Variants in ZBTB24 observed in about 807,000 individuals in gnomAD.
ZBTB24 encodes zinc finger and BTB domain-containing protein 24.
In ZBTB24, 32 loss-of-function variants were observed where a neutral mutation model predicts 53.8. That is an observed-to-expected ratio of 0.60 (90% CI 0.45 to 0.80). ZBTB24 has a LOEUF of 0.80. ZBTB24 is among the 30% of genes least tolerant of loss of function. The pLI, the probability that ZBTB24 is intolerant of heterozygous loss-of-function variation, is 0.00. For synonymous variants in ZBTB24, 297 were observed against 306.7 expected, an observed-to-expected ratio of 0.97 and a Z score of 0.33; for missense variants, 722 against 837.1, an observed-to-expected ratio of 0.86 and a Z score of 1.70.
At position 109,466,220 on chromosome 6, in the gene ZBTB24, A is replaced by G. The variant is rs2115353196; in HGVS notation, c.1725T>C (p.Ile575=). The G allele has an allele frequency of 6.2e-7, 1 of 1,614,254 alleles. No homozygotes were observed. Among genetic ancestry groups the G allele is most frequent in the East Asian group, 2.2e-5 (1 of 44,894 alleles). Residue 575 remains isoleucine (I), a synonymous_variant, in exon 7 of 7, where the codon ATT becomes ATC. Coordinates refer to ENST00000230122, the MANE Select transcript of ZBTB24 (RefSeq NM_014797.3). ...FMPGPSQGIS[I]VTAESSQNMT... The stretch of plus-strand genomic sequence containing the variant: ...TGTTTTGGGAACTCTCTGCAGTCAC[A>G]ATGCTGATTCCCTGGCTAGGACCGG...
chr6:109,469,534 C>T (rs1776123395), intron 5 of ZBTB24, among the ~76,000 whole-genome samples: 1 of 152,096 alleles, frequency 6.6e-6, no homozygotes, highest in Non-Finnish European at 1.5e-5. Context: ...GGGGTCTTCC[C>T]GCTTAGTGGT....
At position 109,467,732 on chromosome 6, in the gene ZBTB24, C is replaced by T. The variant is rs1394648922; in HGVS notation, c.1291G>A (p.Glu431Lys). 1.9e-6 allele frequency: 3 copies of T among 1,613,382 alleles called. No individual in the cohort carries two copies. The highest frequency in any genetic ancestry group is 2.5e-6 in the Non-Finnish European group (3 of 1,179,880). ...LKKHLRTHTGEKPFTCEICGK... is the reference protein window; with the variant it reads ...LKKHLRTHTGKKPFTCEICGK... ...CAGATTTCACAAGTAAATGGCTTCT[C>T]ACCTAAAAAAAACAAAAACAAAAAC... The change falls in exon 6 of 7, where the codon GAG (glutamate) becomes AAG (lysine). Residue 431 changes from glutamate to lysine, a missense_variant and splice_region_variant. By Grantham distance (56) the Glu-to-Lys change is moderately conservative (BLOSUM62 1). Coordinates refer to ENST00000230122, the MANE Select transcript of ZBTB24 (RefSeq NM_014797.3).
At chr6:109,467,820 A>T in intron 5 of ZBTB24, 86 bp from the exon 6 acceptor site, 1 of 1,460,066 alleles carries the variant, frequency 6.8e-7, no homozygotes, top group Non-Finnish European at 9.3e-7. Flanking sequence ...AATTAAAAAA[A>T]CACTTCGGTT....
chr6:109,467,584 CAT>C, intron 6 of ZBTB24, 67 bp downstream of exon 6: 7 of 1,612,082 alleles, frequency 4.3e-6, no homozygotes, highest in Non-Finnish European at 5.9e-6. Context: ...ATAGGTAACA[CAT>C]GTCACCTCAC....
In ZBTB24 at chr6:109,481,209, T is replaced by C. The variant is rs764851596; in HGVS notation, c.818A>G (p.Gln273Arg). 1.4e-5 allele frequency: 22 copies of C among 1,614,094 alleles called. No individual in the cohort carries two copies. The Admixed American group carries it at 2.7e-4, about 20-fold the overall frequency. The change falls in exon 2 of 7, where the codon CAA (glutamine) becomes CGA (arginine). Residue 273 changes from glutamine to arginine, a missense_variant. Physicochemically the swap from Gln to Arg is conservative, Grantham distance 43. Coordinates refer to ENST00000230122, the MANE Select transcript of ZBTB24 (RefSeq NM_014797.3). ...KLKDYKLVGD[Q>R]EDHGSAKRIC... Reference sequence around the variant, plus strand: ...CCTCTTGGCTGAACCATGGTCCTCTTGATCCCCAACAAGTTTGTAATCTTT... The same window carrying C: ...CCTCTTGGCTGAACCATGGTCCTCTCGATCCCCAACAAGTTTGTAATCTTT...
rs1190286776 is a variant in ZBTB24, at chr6:109,466,493, G to A, written c.1452C>T (p.His484=). ...GGCAGGAGAAAGGCTTCTTGCCAGTGTGTAGAATGCAGTGTCTCCTTTTGG... is the reference window on the plus strand; with the variant it reads ...GGCAGGAGAAAGGCTTCTTGCCAGTATGTAGAATGCAGTGTCTCCTTTTGG... ...SSAKRRHCIL[H]TGKKPFSCPE... Residue 484 remains histidine (H), a synonymous_variant, in exon 7 of 7, where the codon CAC becomes CAT. Transcript: ENST00000230122. The A allele has an allele frequency of 6.2e-7, 1 of 1,614,186 alleles. No homozygotes were observed. Among genetic ancestry groups the A allele is most frequent in the Non-Finnish European group, 8.5e-7 (1 of 1,180,048 alleles).
chr6:109,465,568 T>G lies in ZBTB24; in HGVS notation c.*283A>C. 7.6e-7 allele frequency: 1 copy of G among 1,309,836 alleles called. No homozygotes were observed. The highest frequency in any genetic ancestry group is 1.0e-6 in the Non-Finnish European group (1 of 954,426). 81.1% of individuals were successfully genotyped at this position (1,309,836 alleles called of 1,614,324 possible). A position where few individuals can be genotyped will look rare whatever the true frequency, so the allele number is the denominator to read the frequency against. ...AACCTTACAGAAAAACTGAGATCAATGCCCCCAAAGAAAAACTACCCGAGT... is the reference window on the plus strand; with the variant it reads ...AACCTTACAGAAAAACTGAGATCAAGGCCCCCAAAGAAAAACTACCCGAGT... On this transcript the variant is annotated 3_prime_UTR_variant, in exon 7 of 7. Transcript: ENST00000230122.
chr6:109,479,424 C>G (rs1429975291), intron 2 of ZBTB24, among the ~76,000 whole-genome samples: 1 of 152,108 alleles, frequency 6.6e-6, no homozygotes, highest in African/African-American at 2.4e-5. Flanking sequence ...ATTACTAGAC[C>G]GGGAAAAGAT....
rs1647343282 is a variant in ZBTB24, at chr6:109,462,992, T to C, written c.*2859A>G. 1 of 152,252 alleles carries C rather than the reference T, an allele frequency of 6.6e-6. No homozygotes were observed. Among genetic ancestry groups the C allele is most frequent in the African/African-American group, 2.4e-5 (1 of 41,460 alleles). The allele number at this position is 152,252 out of a possible 1,614,324, so 9.4% of individuals were successfully genotyped here. A position where few individuals can be genotyped will look rare whatever the true frequency, so the allele number is the denominator to read the frequency against. On this transcript the variant is annotated 3_prime_UTR_variant, in exon 7 of 7. Transcript: ENST00000230122. ...ATTTCTTTTGGGTACTCAAGTCATT[T>C]AACTTTTTTTTTTGAGACGGAGTCT...
Position 109,467,652 on chromosome 6 carries a change from C to T in ZBTB24, c.1370+1G>A, listed in dbSNP as rs1776076561. On this transcript the variant is annotated splice_donor_variant, in intron 6 of 6. Transcript: ENST00000230122. LOFTEE classifies it high-confidence loss of function. ...CGAGAAAAATATCTGCAAAACTTTACCGATGGATTCTGATGTGGGTCTGAA... is the reference window on the plus strand; with the variant it reads ...CGAGAAAAATATCTGCAAAACTTTATCGATGGATTCTGATGTGGGTCTGAA... 1 of 1,613,880 alleles carries T rather than the reference C, an allele frequency of 6.2e-7. No individual in the cohort carries two copies. The highest frequency in any genetic ancestry group is 8.5e-7 in the Non-Finnish European group (1 of 1,180,026).
intron 3 of ZBTB24, among the ~76,000 whole-genome samples, chr6:109,476,561 T>C (rs1034582616): frequency 6.6e-6 from 1 of 152,186 alleles, no homozygotes; most frequent in Non-Finnish European, 1.5e-5. Context: ...CACACTAAAC[T>C]CCCAGCAGCC....
At chr6:109,476,635 A>C in intron 3 of ZBTB24, 128 bp downstream of exon 3, 1 of 1,332,528 alleles carries the variant, frequency 7.5e-7, no homozygotes, top group South Asian at 1.3e-5. Flanking sequence ...CAGATGCAAA[A>C]TCCTGTCTTT....
At chr6:109,476,310 A>G in intron 3 of ZBTB24, 52 bp from the exon 4 acceptor site, 1 of 1,589,230 alleles carries the variant, frequency 6.3e-7, no homozygotes, top group Non-Finnish European at 8.6e-7. Flanking sequence ...AAAGAACTGG[A>G]ATGCTCACTA....
chr6:109,479,651 G>A (rs536162119), intron 2 of ZBTB24, among the ~76,000 whole-genome samples: 49 of 152,250 alleles, frequency 3.2e-4, no homozygotes, highest in Admixed American at 1.3e-3. Flanking sequence ...GCGCAGTGGC[G>A]CACGCCTGTA....
At chr6:109,475,254 TTTAAC>T (rs1429604362) in intron 5 of ZBTB24, 140 bp downstream of exon 5, 2 of 1,003,678 alleles carry the variant, frequency 2.0e-6, no homozygotes, top group Non-Finnish European at 1.5e-6. Context: ...CCTTCCAACT[TTTAAC>T]TTATCTTCTT....
At chr6:109,472,325 G>C (rs1776184025) in intron 5 of ZBTB24, among the ~76,000 whole-genome samples, 1 of 152,142 alleles carries the variant, frequency 6.6e-6, no homozygotes, top group Admixed American at 6.5e-5. Flanking sequence ...GCAAACCACA[G>C]AGGCCCGTCT....
chr6:109,480,522 G>T (rs184528557), intron 2 of ZBTB24, among the ~76,000 whole-genome samples: 1 of 152,230 alleles, frequency 6.6e-6, no homozygotes, highest in Non-Finnish European at 1.5e-5. Context: ...ATCACAGAAG[G>T]GTCCCATTGG....
intron 5 of ZBTB24, among the ~76,000 whole-genome samples, chr6:109,473,013 G>A (rs1316854357): frequency 6.6e-6 from 1 of 152,114 alleles, no homozygotes; most frequent in Non-Finnish European, 1.5e-5. Context: ...AGGGTGGCTA[G>A]AGTGACCCTA....
At chr6:109,467,418 G>A (rs570769493) in intron 6 of ZBTB24, among the ~76,000 whole-genome samples, 2 of 152,170 alleles carry the variant, frequency 1.3e-5, no homozygotes, top group South Asian at 4.2e-4. Flanking sequence ...GGCCACGGTG[G>A]GAGAATCGCC....
Sources: allele counts gnomAD v4.1 joint callset (sites outside exome capture counted in the v4.1 genomes callset), GRCh38; gene constraint gnomAD v4.1.1; transcripts MANE v1.5; gene names NCBI Gene and HGNC (gene_info 2026-07-23, HGNC 2026-07-21).